LRP1B: variants seen among roughly 807,000 people sequenced by gnomAD.
The protein encoded by LRP1B is low-density lipoprotein receptor-related protein 1B.
In LRP1B, 217 loss-of-function variants were observed where a neutral mutation model predicts 556.6. The ratio of observed to expected loss-of-function variants is 0.39; its 90% CI spans 0.35 to 0.44. The LOEUF is 0.44. Ranked by LOEUF, LRP1B falls within the 20% of genes least tolerant of loss-of-function variation. LRP1B has a pLI of 1.00. For synonymous variants in LRP1B, 2,047 were observed against 1,865.8 expected (o/e 1.10, Z -2.50); for missense variants, 5,053 against 5,620.8 (o/e 0.90, Z 3.23).
chr2:141,663,301 C>T (rs984408337), intron 2 of LRP1B, among the ~76,000 whole-genome samples: 35 of 151,426 alleles, frequency 2.3e-4, no homozygotes, highest in Non-Finnish European at 4.6e-4. Flanking sequence ...GCAAACAAGC[C>T]GCAAAGCTAG....
chr2:140,700,199 A>G (rs1270664068), intron 41 of LRP1B, 51 bp downstream of exon 41: 2 of 1,451,794 alleles, frequency 1.4e-6, no homozygotes, highest in South Asian at 2.4e-5. Flanking sequence ...TTCTCTAGTA[A>G]TCTAAATGAT....
At chr2:141,650,289 T>C (rs1255121188) in intron 2 of LRP1B, among the ~76,000 whole-genome samples, 1 of 152,156 alleles carries the variant, frequency 6.6e-6, no homozygotes, top group South Asian at 2.1e-4. Flanking sequence ...ATGTGGGGAA[T>C]TGATATGATT....
At chr2:140,620,286 G>A (rs1373059268) in intron 41 of LRP1B, among the ~76,000 whole-genome samples, 3 of 152,158 alleles carry the variant, frequency 2.0e-5, no homozygotes, top group East Asian at 1.9e-4. Flanking sequence ...TAAGAGAGAT[G>A]AACATGGAAT....
intron 1 of LRP1B, among the ~76,000 whole-genome samples, chr2:142,041,626 T>C (rs1704069766): frequency 6.6e-6 from 1 of 151,462 alleles, no homozygotes; most frequent in Non-Finnish European, 1.5e-5. Context: ...ATTTTGGCTA[T>C]TGACAAAGGC....
intron 7 of LRP1B, among the ~76,000 whole-genome samples, chr2:141,089,463 A>C (rs1267337242): frequency 6.6e-6 from 1 of 152,234 alleles, no homozygotes; most frequent in Non-Finnish European, 1.5e-5. Context: ...ATAGTATCTG[A>C]GAAAATGTAA....
At chr2:140,612,116 A>G (rs1457442718) in intron 41 of LRP1B, among the ~76,000 whole-genome samples, 1 of 152,136 alleles carries the variant, frequency 6.6e-6, no homozygotes, top group African/African-American at 2.4e-5. Flanking sequence ...AGCCCTGTAA[A>G]AAGAGACATA....
At chr2:142,033,539 G>A (rs1302420863) in intron 1 of LRP1B, among the ~76,000 whole-genome samples, 3 of 151,658 alleles carry the variant, frequency 2.0e-5, no homozygotes, top group African/African-American at 7.3e-5. Flanking sequence ...AGATTGATTA[G>A]GGTGTTGGCA....
Position 140,457,652 on chromosome 2 carries a change from C to G in LRP1B, c.9626-1G>C, listed in dbSNP as rs1396866735. On this transcript the variant is annotated splice_acceptor_variant, in intron 60 of 90. Transcript: ENST00000389484. LOFTEE classifies it high-confidence loss of function. ...ACCCCTGGAATATCTTGATTAGGGA[C>G]TGTAATAGGAGATGGTAAGATTAAT... 6.2e-7 allele frequency: 1 copy of G among 1,609,256 alleles called. No homozygotes were observed. Among genetic ancestry groups the G allele is most frequent in the Non-Finnish European group, 8.5e-7 (1 of 1,175,824 alleles).
chr2:141,061,584 C>G lies in LRP1B; in HGVS notation c.1236+467G>C, dbSNP rs140963310. ...CTTTTTAGGAAGTACTTGAATACATCAGAAGTCAAAATTTAATCGAACTTG... is the reference window on the plus strand; with the variant it reads ...CTTTTTAGGAAGTACTTGAATACATGAGAAGTCAAAATTTAATCGAACTTG... On this transcript the variant is annotated intron_variant, in intron 8 of 90. Coordinates refer to ENST00000389484, the MANE Select transcript of LRP1B (RefSeq NM_018557.3). 7.1e-3 allele frequency among the ~76,000 whole-genome samples: 1,083 copies of G among 151,794 alleles called. 12 individuals carry two copies. The highest frequency in any genetic ancestry group is 0.023 in the African/African-American group (961 of 41,478).
intron 1 of LRP1B, among the ~76,000 whole-genome samples, chr2:142,113,788 C>A (rs1028880720): frequency 2.0e-5 from 3 of 151,750 alleles, no homozygotes; most frequent in African/African-American, 7.3e-5. Context: ...CATGGACAGG[C>A]ACCATCCTTT....
chr2:141,754,731 C>A (rs896893686), intron 2 of LRP1B, among the ~76,000 whole-genome samples: 1 of 152,158 alleles, frequency 6.6e-6, no homozygotes, highest in South Asian at 2.1e-4. Context: ...TTGGACTAGA[C>A]GAAAATGTCA....
chr2:140,899,877 AAAT>A lies in LRP1B; in HGVS notation c.3766+3040_3766+3042del, dbSNP rs200937960. Among the ~76,000 whole-genome samples, 266 of 152,322 alleles carry A rather than the reference AAAT, an allele frequency of 1.7e-3. 7 individuals are homozygous for A. In the East Asian group the frequency reaches 0.046, roughly 26 times the overall value. ...CAATATTTTCTTGAAGATTTGTTAG[AAAT>A]AATGTCTTCTTTCTGGTAATCTTTC... On this transcript the variant is annotated intron_variant, in intron 23 of 90. Coordinates refer to ENST00000389484, the MANE Select transcript of LRP1B (RefSeq NM_018557.3).
chr2:141,131,770 T>C (rs1701364323), intron 7 of LRP1B, among the ~76,000 whole-genome samples: 1 of 151,930 alleles, frequency 6.6e-6, no homozygotes. Context: ...GTTTAAAAAG[T>C]CTTTGATAGT....
intron 33 of LRP1B, among the ~76,000 whole-genome samples, chr2:140,775,371 C>A (rs1689456370): frequency 6.6e-6 from 1 of 151,016 alleles, no homozygotes; most frequent in African/African-American, 2.4e-5. Context: ...TGTTCAAAAT[C>A]ATTCTGGAAA....
intron 5 of LRP1B, among the ~76,000 whole-genome samples, chr2:141,238,574 T>C (rs904420855): frequency 1.3e-5 from 2 of 152,126 alleles, no homozygotes; most frequent in African/African-American, 4.8e-5. Flanking sequence ...AAATCTTTGC[T>C]TTTATAGAAC....
chr2:141,473,163 C>G (rs1405724866), intron 3 of LRP1B, among the ~76,000 whole-genome samples: 1 of 120,152 alleles, frequency 8.3e-6, no homozygotes, highest in Admixed American at 8.2e-5. Context: ...AGTCAGATGT[C>G]TGCAAAAAAA....
intron 1 of LRP1B, among the ~76,000 whole-genome samples, chr2:141,849,258 T>C (rs1558916233): frequency 6.6e-6 from 1 of 151,664 alleles, no homozygotes; most frequent in South Asian, 2.1e-4. Flanking sequence ...TATAATCACA[T>C]TGTCTACAAA....
At position 140,485,846 on chromosome 2, in the gene LRP1B, T is replaced by C. The variant is rs200771650; in HGVS notation, c.9244-322A>G. On this transcript the variant is annotated intron_variant, in intron 58 of 90. Coordinates refer to ENST00000389484, the MANE Select transcript of LRP1B (RefSeq NM_018557.3). The stretch of plus-strand genomic sequence containing the variant: ...ATTTGGGACAAAATTCTCACGCACA[T>C]ACACACACACACACACACACACACA... 3.4e-3 allele frequency among the ~76,000 whole-genome samples: 478 copies of C among 142,344 alleles called. 1 individual carries two copies. Among genetic ancestry groups the C allele is most frequent in the African/African-American group, 9.8e-3 (372 of 38,076 alleles). 93.4% of individuals were successfully genotyped at this position (142,344 alleles called of 152,430 possible).
At chr2:140,309,262 G>T (rs144976655) in intron 83 of LRP1B, among the ~76,000 whole-genome samples, 1 of 151,786 alleles carries the variant, frequency 6.6e-6, no homozygotes, top group African/African-American at 2.4e-5. Context: ...GCTTTATCTA[G>T]CTCCCTCCCA....
Sources: allele counts gnomAD v4.1 joint callset (sites outside exome capture counted in the v4.1 genomes callset), GRCh38; gene constraint gnomAD v4.1.1; transcripts MANE v1.5; gene names NCBI Gene and HGNC (gene_info 2026-07-23, HGNC 2026-07-21).